The following GADL1 variants were observed in gnomAD, a reference collection of about 807,000 sequenced individuals.
The protein encoded by GADL1 is GAD like acidic amino acid decarboxylase 1.
A neutral mutation model predicts 69.5 loss-of-function variants in GADL1; 71 were observed. The observed-to-expected ratio is 1.02, with a 90% CI of 0.84 to 1.25. GADL1 has a LOEUF of 1.25. Among genes scored for constraint, GADL1 ranks in the 50% most tolerant of loss-of-function variants. The pLI, the probability that GADL1 is intolerant of heterozygous loss-of-function variation, is 0.00. For missense variants in GADL1, 737 were observed against 631.8 expected, an observed-to-expected ratio of 1.17 and a Z score of -1.79; for synonymous variants, 254 against 214.4, an observed-to-expected ratio of 1.18 and a Z score of -1.62.
Position 30,855,527 on chromosome 3 carries a change from G to A in GADL1, c.338-738C>T, listed in dbSNP as rs62233360. On this transcript the variant is annotated intron_variant, in intron 3 of 14. Coordinates refer to ENST00000282538, the MANE Select transcript of GADL1 (RefSeq NM_207359.3). ...TGGAGTAAGATGTGACTCACTATGC[G>A]GCTTACATACACTTCTGATTCAATT... is the stretch of plus-strand genomic sequence containing the variant. Among the ~76,000 whole-genome samples, 1,204 of 152,046 alleles carry A rather than the reference G, an allele frequency of 7.9e-3. 6 individuals are homozygous for A. Among genetic ancestry groups the A allele is most frequent in the South Asian group, 0.013 (62 of 4,820 alleles).
chr3:30,731,699 A>C (rs1022701914), intron 14 of GADL1, among the ~76,000 whole-genome samples: 5 of 152,218 alleles, frequency 3.3e-5, no homozygotes, highest in African/African-American at 1.2e-4. Context: ...GACATAACTA[A>C]ATATATGACT....
intron 11 of GADL1, among the ~76,000 whole-genome samples, chr3:30,816,525 G>GTT (rs1559507818): frequency 7.4e-5 from 3 of 40,756 alleles, no homozygotes; most frequent in Non-Finnish European, 2.0e-4. Context: ...TTCTTAATTT[G>GTT]TTTTCTTTTT....
At chr3:30,773,003 C>T (rs1203067560) in intron 14 of GADL1, among the ~76,000 whole-genome samples, 2 of 144,100 alleles carry the variant, frequency 1.4e-5, no homozygotes, top group Admixed American at 6.6e-5. Flanking sequence ...AATGCAGATA[C>T]TGTGTGTTAG....
chr3:30,840,249 C>T (rs1461966045), intron 8 of GADL1, among the ~76,000 whole-genome samples: 4 of 152,018 alleles, frequency 2.6e-5, no homozygotes, highest in African/African-American at 4.8e-5. Context: ...CCAATTTAAC[C>T]GACTTTTGAC....
At chr3:30,728,767 C>A (rs1024382284) in intron 14 of GADL1, among the ~76,000 whole-genome samples, 1 of 151,878 alleles carries the variant, frequency 6.6e-6, no homozygotes, top group African/African-American at 2.4e-5. Flanking sequence ...TCAATGCTGC[C>A]TCATTAAAAA....
intron 14 of GADL1, among the ~76,000 whole-genome samples, chr3:30,742,366 ATTTT>A (rs898220651): frequency 6.6e-6 from 1 of 151,338 alleles, no homozygotes; most frequent in Non-Finnish European, 1.5e-5. Flanking sequence ...TATTTAATAT[ATTTT>A]TTTTATTATG....
In GADL1 at chr3:30,810,816, G is replaced by A. The variant is rs147886388; in HGVS notation, c.1051-9728C>T. Among the ~76,000 whole-genome samples the A allele has an allele frequency of 1.7e-3, 257 of 152,080 alleles. 1 individual carries two copies. Among genetic ancestry groups the A allele is most frequent in the African/African-American group, 5.9e-3 (243 of 41,484 alleles). ...CCACAGTAGTCTCACAGCAAAATGC[G>A]CAAAGGAAATAGCAGCCTTCCACGC... is the stretch of plus-strand genomic sequence containing the variant. On this transcript the variant is annotated intron_variant, in intron 11 of 14. Transcript: ENST00000282538.
At chr3:30,879,826 G>A (rs980923244) in intron 1 of GADL1, among the ~76,000 whole-genome samples, 14 of 151,796 alleles carry the variant, frequency 9.2e-5, no homozygotes, top group Admixed American at 7.9e-4. Flanking sequence ...CTGTAATTTT[G>A]TTCTCTAGGC....
chr3:30,766,938 G>A (rs947547053), intron 14 of GADL1, among the ~76,000 whole-genome samples: 1 of 152,160 alleles, frequency 6.6e-6, no homozygotes, highest in African/African-American at 2.4e-5. Context: ...AAACAAAAAG[G>A]CATGGAGAAG....
In GADL1 at chr3:30,850,815, CAAT is replaced by C; in HGVS notation, c.535+17_535+19del. The stretch of plus-strand genomic sequence containing the variant: ...CGTGGTTGTATTGGAAGGTTGATAT[CAAT>C]AACTAATTGTACTCACCTGGGTTAA... On this transcript the variant is annotated intron_variant, in intron 5 of 14. Coordinates refer to ENST00000282538, the MANE Select transcript of GADL1 (RefSeq NM_207359.3). 1 of 1,385,366 alleles carries C rather than the reference CAAT, an allele frequency of 7.2e-7. No individual in the cohort carries two copies. The highest frequency in any genetic ancestry group is 2.5e-5 in the East Asian group (1 of 40,058). 85.8% of individuals were successfully genotyped at this position (1,385,366 alleles called of 1,614,324 possible). A position where few individuals can be genotyped will look rare whatever the true frequency, so the allele number is the denominator to read the frequency against.
At chr3:30,887,715 A>G (rs957287937) in intron 1 of GADL1, among the ~76,000 whole-genome samples, 1 of 152,200 alleles carries the variant, frequency 6.6e-6, no homozygotes, top group Non-Finnish European at 1.5e-5. Flanking sequence ...CAGATTGTCA[A>G]TTTTACAAGC....
intron 1 of GADL1, among the ~76,000 whole-genome samples, chr3:30,871,061 G>GTGTGTGTGTA: frequency 6.6e-6 from 1 of 151,230 alleles, no homozygotes; most frequent in East Asian, 2.0e-4. Context: ...GTGTGTGTGT[G>GTGTGTGTGTA]TGTGTGTGTG....
At chr3:30,740,989 T>TA (rs1695612085) in intron 14 of GADL1, among the ~76,000 whole-genome samples, 1 of 105,202 alleles carries the variant, frequency 9.5e-6, no homozygotes, top group African/African-American at 4.2e-5. Context: ...ATATATTATA[T>TA]ATTATATATT....
In GADL1 at chr3:30,728,419, T is replaced by C; in HGVS notation, c.1393-4A>G. 1 of 1,612,876 alleles carries C rather than the reference T, an allele frequency of 6.2e-7. No homozygotes were observed. The highest frequency in any genetic ancestry group is 8.5e-7 in the Non-Finnish European group (1 of 1,179,224). ...TCTCCTTAATGGCTGGGGCCACCTG[T>C]GTGGGGAGAAAAGGGGAGAGGGGTG... is the stretch of plus-strand genomic sequence containing the variant. On this transcript the variant is annotated splice_polypyrimidine_tract_variant and splice_region_variant and intron_variant, in intron 14 of 14. Transcript: ENST00000282538.
chr3:30,868,775 C>T (rs1698440344), intron 1 of GADL1, among the ~76,000 whole-genome samples: 1 of 151,886 alleles, frequency 6.6e-6, no homozygotes, highest in Admixed American at 6.6e-5. Context: ...AGTTTCCCAT[C>T]CAAGTCTCTT....
chr3:30,732,745 A>C (rs1695476694), intron 14 of GADL1, among the ~76,000 whole-genome samples: 1 of 152,204 alleles, frequency 6.6e-6, no homozygotes, highest in Admixed American at 6.5e-5. Flanking sequence ...GTTAACAAGA[A>C]CAGTTTTTCA....
At chr3:30,846,487 C>T (rs1175228590) in intron 6 of GADL1, among the ~76,000 whole-genome samples, 2 of 152,056 alleles carry the variant, frequency 1.3e-5, no homozygotes, top group African/African-American at 2.4e-5. Flanking sequence ...GTACACTGTG[C>T]CCTGGACACC....
chr3:30,804,613 A>T (rs1264911927), intron 11 of GADL1, among the ~76,000 whole-genome samples: 1 of 152,124 alleles, frequency 6.6e-6, no homozygotes, highest in Non-Finnish European at 1.5e-5. Flanking sequence ...ATCTTGTTAG[A>T]TGTCTAACCT....
At position 30,751,093 on chromosome 3, in the gene GADL1, G is replaced by A. The variant is rs62243168; in HGVS notation, c.1393-22678C>T. 6.5e-3 allele frequency among the ~76,000 whole-genome samples: 983 copies of A among 152,184 alleles called. 6 individuals are homozygous for A. The highest frequency in any genetic ancestry group is 0.014 in the Middle Eastern group (4 of 294). ...ATTCGCATAAGCAAAAGAACAGCAG[G>A]TGCAGCCAGTTCTAGGCAAGATTGG... On this transcript the variant is annotated intron_variant, in intron 14 of 14. Coordinates refer to ENST00000282538, the MANE Select transcript of GADL1 (RefSeq NM_207359.3).
Sources: allele counts gnomAD v4.1 joint callset (sites outside exome capture counted in the v4.1 genomes callset), GRCh38; gene constraint gnomAD v4.1.1; transcripts MANE v1.5; gene names NCBI Gene and HGNC (gene_info 2026-07-23, HGNC 2026-07-21).